The following FHOD3 variants were observed in gnomAD, a reference collection of about 807,000 sequenced individuals.
FHOD3 encodes FH1/FH2 domain-containing protein 3.
A neutral mutation model predicts 173.0 loss-of-function variants in FHOD3; 90 were observed. The observed-to-expected ratio is 0.52, with a 90% CI of 0.44 to 0.62. The LOEUF (loss-of-function observed/expected upper bound fraction) is 0.62, where lower values mean the gene tolerates loss of function less well. Among genes scored for constraint, FHOD3 ranks in the 20% least tolerant of loss-of-function variants. The pLI is 0.00. For synonymous variants in FHOD3, 828 were observed against 823.0 expected (o/e 1.01, Z -0.10); for missense variants, 1,945 against 2,034.7 (o/e 0.96, Z 0.85).
At chr18:36,456,700 C>A (rs576100736) in intron 3 of FHOD3, among the ~76,000 whole-genome samples, 1 of 152,126 alleles carries the variant, frequency 6.6e-6, no homozygotes, top group East Asian at 1.9e-4. Flanking sequence ...GGACCCACTT[C>A]TACTGCCTTC....
chr18:36,354,333 C>T (rs1341451243), intron 1 of FHOD3, among the ~76,000 whole-genome samples: 6 of 152,148 alleles, frequency 3.9e-5, no homozygotes, highest in Non-Finnish European at 8.8e-5. Flanking sequence ...AGTAACATAG[C>T]CTCTCTTTGT....
chr18:36,722,332 CA>C (rs1316222674), intron 19 of FHOD3, among the ~76,000 whole-genome samples: 1 of 152,142 alleles, frequency 6.6e-6, no homozygotes, highest in African/African-American at 2.4e-5. Flanking sequence ...TGTACCTAAC[CA>C]GGGGCAGCAA....
chr18:36,476,522 G>T (rs561785105), intron 3 of FHOD3, among the ~76,000 whole-genome samples: 1 of 152,280 alleles, frequency 6.6e-6, no homozygotes, highest in East Asian at 1.9e-4. Context: ...ACCTGTGGGT[G>T]CAAGTTCTCT....
At chr18:36,316,736 A>C (rs1483769439) in intron 1 of FHOD3, among the ~76,000 whole-genome samples, 1 of 151,162 alleles carries the variant, frequency 6.6e-6, no homozygotes, top group African/African-American at 2.4e-5. Flanking sequence ...TTTTCTTTAT[A>C]TTATACTTTA....
intron 3 of FHOD3, among the ~76,000 whole-genome samples, chr18:36,390,069 A>G (rs1180441125): frequency 2.6e-5 from 4 of 152,122 alleles, no homozygotes; most frequent in African/African-American, 7.2e-5. Context: ...AATCAGTGTT[A>G]TCTGTGGACC....
intron 3 of FHOD3, among the ~76,000 whole-genome samples, chr18:36,407,937 C>T (rs558555297): frequency 1.9e-4 from 29 of 152,342 alleles, no homozygotes; most frequent in African/African-American, 7.0e-4. Flanking sequence ...TCAAGCTGCA[C>T]AATCCTTTCT....
Position 36,692,850 on chromosome 18 carries a change from G to A in FHOD3, c.2022-359G>A, listed in dbSNP as rs1600266615. The A allele has an allele frequency of 2.0e-5, 5 of 249,212 alleles. No individual in the cohort carries two copies. The East Asian group carries it at 4.8e-4, about 24-fold the overall frequency. 15.4% of individuals were successfully genotyped at this position (249,212 alleles called of 1,614,324 possible). On this transcript the variant is annotated intron_variant, in intron 16 of 28. Coordinates refer to ENST00000590592, the MANE Select transcript of FHOD3 (RefSeq NM_001281740.3). Reference sequence around the variant, plus strand: ...CATTTCACAGCTGTGAGCTCCGAGGGGGTTTGGTTTTCAGCCATCACTCTT... The same window carrying A: ...CATTTCACAGCTGTGAGCTCCGAGGAGGTTTGGTTTTCAGCCATCACTCTT...
At chr18:36,662,780 T>C (rs1402745552) in intron 14 of FHOD3, among the ~76,000 whole-genome samples, 3 of 152,224 alleles carry the variant, frequency 2.0e-5, no homozygotes, top group Admixed American at 2.0e-4. Flanking sequence ...TTATTAACTA[T>C]AGGCACTATG....
At chr18:36,380,627 C>T (rs1262475827) in intron 3 of FHOD3, among the ~76,000 whole-genome samples, 1 of 147,242 alleles carries the variant, frequency 6.8e-6, no homozygotes, top group Admixed American at 6.9e-5. Context: ...CCTTTCCTTT[C>T]CTTTCCTTTC....
Position 36,658,085 on chromosome 18 carries a change from T to G in FHOD3, c.1732T>G (p.Phe578Val). ...RSFSSNRYSNFGNNSYHSSRP... is the reference protein window; with the variant it reads ...RSFSSNRYSNVGNNSYHSSRP... ...CTCTGCACTTCTTAGATACAGCAATTTTGGCAATAACTCTTATCACTCCTC... is the reference window on the plus strand; with the variant it reads ...CTCTGCACTTCTTAGATACAGCAATGTTGGCAATAACTCTTATCACTCCTC... The change falls in exon 14 of 29, where the codon TTT (phenylalanine) becomes GTT (valine). Residue 578 changes from phenylalanine to valine, a missense_variant. This residue lies in a region of FHOD3 where 1,099 missense variants were observed against 1,051.2 expected (regional missense o/e 1.05). Coordinates refer to ENST00000590592, the MANE Select transcript of FHOD3 (RefSeq NM_001281740.3). 6.2e-7 allele frequency: 1 copy of G among 1,607,988 alleles called. No individual in the cohort carries two copies. The highest frequency in any genetic ancestry group is 8.5e-7 in the Non-Finnish European group (1 of 1,177,298).
At chr18:36,575,034 G>T (rs536986010) in intron 5 of FHOD3, among the ~76,000 whole-genome samples, 1 of 151,254 alleles carries the variant, frequency 6.6e-6, no homozygotes, top group South Asian at 2.1e-4. Flanking sequence ...GCAGTGGTGC[G>T]ATCTTGGCTC....
At chr18:36,585,808 A>C (rs1385275662) in intron 6 of FHOD3, among the ~76,000 whole-genome samples, 2 of 152,212 alleles carry the variant, frequency 1.3e-5, no homozygotes, top group Non-Finnish European at 2.9e-5. Flanking sequence ...GAGGAAGAGT[A>C]GAAGTGGGTG....
chr18:36,552,303 T>C (rs1002018396), intron 5 of FHOD3, among the ~76,000 whole-genome samples: 1 of 152,130 alleles, frequency 6.6e-6, no homozygotes, highest in Non-Finnish European at 1.5e-5. Context: ...TGTTTGTCTG[T>C]TATGGGTGCA....
chr18:36,618,208 T>TA (rs2033384817), intron 9 of FHOD3, among the ~76,000 whole-genome samples: 1 of 152,078 alleles, frequency 6.6e-6, no homozygotes, highest in Admixed American at 6.5e-5. Flanking sequence ...GTTTACCTTG[T>TA]TATTTTTCTG....
At position 36,475,019 on chromosome 18, in the gene FHOD3, ACACACACACACACACT is replaced by A. The variant is rs1233508013; in HGVS notation, c.338-26911_338-26896del. Among the ~76,000 whole-genome samples the A allele has an allele frequency of 2.8e-4, 36 of 128,842 alleles. No individual in the cohort carries two copies. In the East Asian group the frequency reaches 3.1e-3, roughly 11 times the overall value. 84.5% of individuals were successfully genotyped at this position (128,842 alleles called of 152,430 possible). A position where few individuals can be genotyped will look rare whatever the true frequency, so the allele number is the denominator to read the frequency against. The stretch of plus-strand genomic sequence containing the variant: ...CACACACACACACACACACACACAC[ACACACACACACACACT>A]CTGCAAAATTTAATGCCTTCTACTT... On this transcript the variant is annotated intron_variant, in intron 3 of 28. Coordinates refer to ENST00000590592, the MANE Select transcript of FHOD3 (RefSeq NM_001281740.3).
rs553154830 is a variant in FHOD3, at chr18:36,480,400, G to A, written c.338-21532G>A. ...AATATCCATCTAAAGTTTCGCTAGCGGGAAATTGGGGTTAGCTGAAATGTC... is the reference window on the plus strand; with the variant it reads ...AATATCCATCTAAAGTTTCGCTAGCAGGAAATTGGGGTTAGCTGAAATGTC... On this transcript the variant is annotated intron_variant, in intron 3 of 28. Coordinates refer to ENST00000590592, the MANE Select transcript of FHOD3 (RefSeq NM_001281740.3). 7.9e-5 allele frequency among the ~76,000 whole-genome samples: 12 copies of A among 152,308 alleles called. 1 individual carries two copies. The highest frequency in any genetic ancestry group is 1.9e-4 in the East Asian group (1 of 5,182).
chr18:36,435,250 T>C (rs1483525020), intron 3 of FHOD3, among the ~76,000 whole-genome samples: 1 of 152,138 alleles, frequency 6.6e-6, no homozygotes, highest in Admixed American at 6.5e-5. Flanking sequence ...TTCATTTTTA[T>C]AGCTATAATT....
At chr18:36,388,155 A>G (rs1266278704) in intron 3 of FHOD3, among the ~76,000 whole-genome samples, 1 of 152,146 alleles carries the variant, frequency 6.6e-6, no homozygotes, top group Non-Finnish European at 1.5e-5. Flanking sequence ...GTATTTGCTC[A>G]TAAATTACTA....
intron 2 of FHOD3, among the ~76,000 whole-genome samples, chr18:36,372,422 C>A (rs2047236033): frequency 6.6e-6 from 1 of 152,202 alleles, no homozygotes; most frequent in African/African-American, 2.4e-5. Context: ...TGTGCAGACT[C>A]TGTGGATGGA....
Sources: gnomAD v4.1 joint callset for allele counts (sites outside exome capture counted in the v4.1 genomes callset) on GRCh38, gnomAD v4.1.1 for gene constraint, gnomAD v4.1.1 regional missense constraint, MANE v1.5 for transcripts, NCBI Gene and HGNC (gene_info 2026-07-23, HGNC 2026-07-21) for gene names.